The following DCT variants were observed in gnomAD, a reference collection of about 807,000 sequenced individuals.
DCT encodes L-dopachrome tautomerase.
DCT carries 47 observed loss-of-function variants against 53.0 expected under a neutral mutation model. The ratio of observed to expected loss-of-function variants is 0.89; its 90% CI spans 0.70 to 1.13. DCT has a LOEUF of 1.13. DCT is among the 50% of genes most tolerant of loss of function. The pLI, the probability that DCT is intolerant of heterozygous loss-of-function variation, is 0.00. For synonymous variants in DCT, 244 were observed against 237.0 expected, an observed-to-expected ratio of 1.03 and a Z score of -0.27; for missense variants, 669 against 637.4, an observed-to-expected ratio of 1.05 and a Z score of -0.53.
chr13:94,534,563 G>A, the DCT span, among the ~76,000 whole-genome samples: 1 of 152,246 alleles, frequency 6.6e-6, no homozygotes, highest in Non-Finnish European at 1.5e-5. Flanking sequence ...CAACTACTGG[G>A]AGCAGAAGCC....
chr13:94,479,606 A>G lies in DCT; in HGVS notation c.-351T>C, dbSNP rs1885352958. 5.2e-6 allele frequency: 1 copy of G among 193,868 alleles called. No homozygotes were observed. Among genetic ancestry groups the G allele is most frequent in the Non-Finnish European group, 1.1e-5 (1 of 94,040 alleles). 12.0% of individuals were successfully genotyped at this position (193,868 alleles called of 1,614,324 possible). A position where few individuals can be genotyped will look rare whatever the true frequency, so the allele number is the denominator to read the frequency against. On this transcript the variant is annotated 5_prime_UTR_variant, in exon 1 of 8. Coordinates refer to ENST00000377028, the MANE Select transcript of DCT (RefSeq NM_001922.5). ...GTTAATTTACAGAGCACCCAGTCAT[A>G]CTACTTATTATGCTGGTATTTCTAA...
chr13:94,460,250 G>A, intron 5 of DCT, 24 bp from the exon 6 acceptor site: 1 of 1,607,206 alleles, frequency 6.2e-7, no homozygotes, highest in Non-Finnish European at 8.5e-7. Flanking sequence ...GTATATCAGT[G>A]ACAACAGACA....
At chr13:94,469,871 T>C (rs1884520095) in intron 1 of DCT, among the ~76,000 whole-genome samples, 1 of 152,146 alleles carries the variant, frequency 6.6e-6, no homozygotes, top group Non-Finnish European at 1.5e-5. Flanking sequence ...GGTCTGGAGT[T>C]CGAGACCAGA....
chr13:94,449,506 T>C (rs751117873), intron 6 of DCT, among the ~76,000 whole-genome samples: 3 of 152,216 alleles, frequency 2.0e-5, no homozygotes, highest in Non-Finnish European at 4.4e-5. Flanking sequence ...CTGGATCCTA[T>C]TGTGGTGACA....
chr13:94,483,490 T>G (rs890396973), upstream of DCT, among the ~76,000 whole-genome samples: 1 of 151,614 alleles, frequency 6.6e-6, no homozygotes, highest in Non-Finnish European at 1.5e-5. Context: ...TTTCATTTTC[T>G]TTCATATGAC....
At chr13:94,468,694 A>G in intron 2 of DCT, 52 bp downstream of exon 2, 2 of 1,521,474 alleles carry the variant, frequency 1.3e-6, no homozygotes, top group Admixed American at 3.5e-5. Flanking sequence ...CCATACCCTC[A>G]ACCCAATCAC....
the DCT span, among the ~76,000 whole-genome samples, chr13:94,520,679 G>A: frequency 2.6e-5 from 4 of 152,152 alleles, no homozygotes; most frequent in Non-Finnish European, 5.9e-5. Context: ...TAAGTGGTCA[G>A]AAGCTCTGGC....
At chr13:94,466,283 T>C (rs1338325974) in intron 3 of DCT, among the ~76,000 whole-genome samples, 2 of 151,858 alleles carry the variant, frequency 1.3e-5, no homozygotes, top group Admixed American at 1.3e-4. Context: ...GTTGCAGTTA[T>C]GTAGGATAAA....
intron 5 of DCT, among the ~76,000 whole-genome samples, chr13:94,461,024 G>A: frequency 6.6e-6 from 1 of 152,114 alleles, no homozygotes; most frequent in Admixed American, 6.5e-5. Context: ...TGCTGAGGTT[G>A]GACACAGCCT....
the DCT span, among the ~76,000 whole-genome samples, chr13:94,510,280 C>G: frequency 6.6e-6 from 1 of 152,116 alleles, no homozygotes; most frequent in Non-Finnish European, 1.5e-5. Flanking sequence ...TAGGGTGCAT[C>G]ATGGGTATCG....
the DCT span, among the ~76,000 whole-genome samples, chr13:94,509,114 C>T: frequency 6.6e-6 from 1 of 152,142 alleles, no homozygotes; most frequent in African/African-American, 2.4e-5. Context: ...GAGAAGCAAA[C>T]TGAATGGGTA....
chr13:94,496,995 T>A, the DCT span, among the ~76,000 whole-genome samples: 1 of 152,252 alleles, frequency 6.6e-6, no homozygotes, highest in African/African-American at 2.4e-5. Context: ...TAAATGTTCT[T>A]CAGTCGAGCC....
the DCT span, among the ~76,000 whole-genome samples, chr13:94,518,156 AT>A: frequency 8.1e-5 from 11 of 135,478 alleles, no homozygotes; most frequent in African/African-American, 2.4e-4. Context: ...GAAGGAAGGA[AT>A]GAAGGAAGGA....
rs1048544114 is a variant in DCT at position 94,479,635 on chromosome 13, C to T, written c.-380G>A. ...CTTATTATGCTGGTATTTCTAAACCCTCTCCCTCCCTCCTTAGCTCTTGAC... is the reference window on the plus strand; with the variant it reads ...CTTATTATGCTGGTATTTCTAAACCTTCTCCCTCCCTCCTTAGCTCTTGAC... On this transcript the variant is annotated 5_prime_UTR_variant, in exon 1 of 8. Coordinates refer to ENST00000377028, the MANE Select transcript of DCT (RefSeq NM_001922.5). 1.8e-5 allele frequency: 3 copies of T among 170,444 alleles called. No homozygotes were observed. The highest frequency in any genetic ancestry group is 7.2e-5 in the African/African-American group (3 of 41,880). The allele number at this position is 170,444 out of a possible 1,614,324, so 10.6% of individuals were successfully genotyped here. A position where few individuals can be genotyped will look rare whatever the true frequency, so the allele number is the denominator to read the frequency against.
At chr13:94,455,336 T>C (rs7337481) in intron 6 of DCT, among the ~76,000 whole-genome samples, 121,502 of 151,672 alleles carry the variant, frequency 0.8, 50,113 homozygotes, top group African/African-American at 0.92. Context: ...GAGCTATGAT[T>C]ATGCCACTGC....
At chr13:94,458,647 T>C (rs1039006397) in intron 6 of DCT, among the ~76,000 whole-genome samples, 8 of 151,776 alleles carry the variant, frequency 5.3e-5, no homozygotes, top group Admixed American at 1.3e-4. Flanking sequence ...AGTAAAAATA[T>C]AAAAATTAAC....
chr13:94,546,201 G>A, the DCT span, among the ~76,000 whole-genome samples: 1 of 152,138 alleles, frequency 6.6e-6, no homozygotes. The surrounding 1 kb of genome is among the most constrained non-coding windows in gnomAD (Gnocchi z 4.2). Context: ...AGGAAGGATA[G>A]GGCCAGTGTC....
At chr13:94,538,938 C>T in the DCT span, among the ~76,000 whole-genome samples, 1 of 152,178 alleles carries the variant, frequency 6.6e-6, no homozygotes, top group Non-Finnish European at 1.5e-5. Flanking sequence ...AAGAGCCCAG[C>T]ACTACTCTAG....
chr13:94,442,309 T>G (rs1460763783), intron 7 of DCT, among the ~76,000 whole-genome samples: 9 of 152,146 alleles, frequency 5.9e-5, no homozygotes, highest in African/African-American at 1.7e-4. Context: ...TTGTTTTTGT[T>G]TTTTTGGGTT....
Sources: gnomAD v4.1 joint callset for allele counts (sites outside exome capture counted in the v4.1 genomes callset) on GRCh38, gnomAD v4.1.1 for gene constraint, Gnocchi (gnomAD v3.1) non-coding constraint, MANE v1.5 for transcripts, NCBI Gene and HGNC (gene_info 2026-07-23, HGNC 2026-07-21) for gene names.